Variants in DPP6 observed in about 807,000 individuals in gnomAD.
DPP6 encodes the protein A-type potassium channel modulatory protein DPP6.
DPP6 carries 69 observed loss-of-function variants against 122.6 expected under a neutral mutation model. The observed-to-expected ratio is 0.56, with a 90% confidence interval of 0.46 to 0.69. DPP6 has a LOEUF of 0.69. Among genes scored for constraint, DPP6 ranks in the 30% least tolerant of loss-of-function variants. The pLI, the probability that DPP6 is intolerant of heterozygous loss-of-function variation, is 0.00. For missense variants in DPP6, 928 were observed against 1,116.9 expected (o/e 0.83, Z 2.41); for synonymous variants, 418 against 433.1 (o/e 0.97, Z 0.43).
chr7:154,629,480 T>A (rs899457539), intron 5 of DPP6, among the ~76,000 whole-genome samples: 3 of 152,204 alleles, frequency 2.0e-5, no homozygotes. Context: ...GTGTTAACTT[T>A]TCCAGTATTT....
chr7:154,402,132 A>C (rs1250518916), intron 1 of DPP6, among the ~76,000 whole-genome samples: 1 of 150,182 alleles, frequency 6.7e-6, no homozygotes, highest in African/African-American at 2.4e-5. Context: ...AAATAGGAAC[A>C]CTTTTACACT....
chr7:154,214,702 A>C (rs1183788883), intron 1 of DPP6, among the ~76,000 whole-genome samples: 1 of 152,190 alleles, frequency 6.6e-6, no homozygotes, highest in East Asian at 1.9e-4. Context: ...GGATTGCTTG[A>C]GCCTAAGAGT....
At chr7:154,815,297 C>T (rs1170347481) in intron 16 of DPP6, among the ~76,000 whole-genome samples, 1 of 152,178 alleles carries the variant, frequency 6.6e-6, no homozygotes, top group East Asian at 1.9e-4. Context: ...TAGATTCTCT[C>T]TAGGAATACT....
At chr7:154,491,996 G>C (rs930628437) in intron 3 of DPP6, among the ~76,000 whole-genome samples, 11 of 152,158 alleles carry the variant, frequency 7.2e-5, no homozygotes, top group African/African-American at 2.7e-4. Context: ...CATGGTTCTA[G>C]CTGCATCCAA....
the DPP6 span, among the ~76,000 whole-genome samples, chr7:153,862,240 A>G: frequency 6.6e-6 from 1 of 152,228 alleles, no homozygotes; most frequent in African/African-American, 2.4e-5. Flanking sequence ...AAAATACAAG[A>G]AAAGATAGCG....
Position 154,019,416 on chromosome 7 carries a change from TTATC to T in DPP6, c.51+131690_51+131693del, listed in dbSNP as rs371043808. ...TTTCTCCCTTCCTTCCCTTTTTTCT[TTATC>T]TATCTATTTCTTCCTCTCTCTCTTC... is the stretch of plus-strand genomic sequence containing the variant. On this transcript the variant is annotated intron_variant, in intron 1 of 25. Transcript: ENST00000404039. Among the ~76,000 whole-genome samples, 417 of 152,128 alleles carry T rather than the reference TTATC, an allele frequency of 2.7e-3. 3 individuals carry two copies. The highest frequency in any genetic ancestry group is 0.019 in the East Asian group (99 of 5,166).
At chr7:154,862,042 T>C (rs1039772750) in intron 17 of DPP6, among the ~76,000 whole-genome samples, 2 of 152,174 alleles carry the variant, frequency 1.3e-5, no homozygotes, top group African/African-American at 4.8e-5. Flanking sequence ...TTCCATTTTG[T>C]TAAAATCAAA....
chr7:153,940,357 C>A (rs370746402), intron 1 of DPP6, among the ~76,000 whole-genome samples: 2 of 152,108 alleles, frequency 1.3e-5, no homozygotes, highest in African/African-American at 4.8e-5. Flanking sequence ...CACGCCGCAA[C>A]TTAAGTGTTG....
intron 7 of DPP6, among the ~76,000 whole-genome samples, chr7:154,700,692 A>G (rs1050515574): frequency 1.3e-5 from 2 of 152,150 alleles, no homozygotes; most frequent in African/African-American, 4.8e-5. Flanking sequence ...ATGTGCATCT[A>G]CTTCCCCAGG....
chr7:153,860,411 T>C, the DPP6 span, among the ~76,000 whole-genome samples: 1 of 152,100 alleles, frequency 6.6e-6, no homozygotes, highest in Non-Finnish European at 1.5e-5. Context: ...TGGAAGGAGT[T>C]GCAGGATGGA....
At chr7:154,060,330 G>GT (rs1801570936) in intron 1 of DPP6, among the ~76,000 whole-genome samples, 1 of 85,596 alleles carries the variant, frequency 1.2e-5, no homozygotes, top group Non-Finnish European at 2.5e-5. Context: ...CATCGCAGGA[G>GT]GGGGAGGCAC....
At chr7:153,939,721 A>C (rs1455569986) in intron 1 of DPP6, among the ~76,000 whole-genome samples, 1 of 152,236 alleles carries the variant, frequency 6.6e-6, no homozygotes, top group Non-Finnish European at 1.5e-5. Context: ...ATGCTCTCAT[A>C]TGAAAGACAG....
intron 20 of DPP6, among the ~76,000 whole-genome samples, chr7:154,878,379 C>T (rs1221349391): frequency 7.9e-5 from 12 of 152,298 alleles, no homozygotes; most frequent in African/African-American, 1.2e-4. Context: ...CCTAAACCAC[C>T]GAAGCTCAAA....
At chr7:154,575,718 TTG>T (rs1487744379) in intron 5 of DPP6, among the ~76,000 whole-genome samples, 4 of 140,234 alleles carry the variant, frequency 2.9e-5, no homozygotes, top group African/African-American at 1.1e-4. Context: ...ATGTGGTGTG[TTG>T]TGTGTATGTG....
intron 1 of DPP6, among the ~76,000 whole-genome samples, chr7:153,924,832 G>T (rs181407637): frequency 6.6e-6 from 1 of 152,180 alleles, no homozygotes; most frequent in African/African-American, 2.4e-5. Context: ...CAAGTGCTCC[G>T]TTGGTTCAGG....
chr7:153,855,551 T>C, the DPP6 span, among the ~76,000 whole-genome samples: 1 of 152,210 alleles, frequency 6.6e-6, no homozygotes, highest in African/African-American at 2.4e-5. Flanking sequence ...AATTCTCTAT[T>C]CTTTTTCACA....
intron 1 of DPP6, among the ~76,000 whole-genome samples, chr7:153,947,282 C>T (rs1370097909): frequency 6.6e-6 from 1 of 152,108 alleles, no homozygotes; most frequent in Non-Finnish European, 1.5e-5. Flanking sequence ...TACTGGCTCA[C>T]AGTCTTGGGA....
At chr7:153,784,542 G>C in the DPP6 span, among the ~76,000 whole-genome samples, 1 of 152,192 alleles carries the variant, frequency 6.6e-6, no homozygotes, top group Non-Finnish European at 1.5e-5. Context: ...GGATGACATA[G>C]TGTGATCAAA....
intron 1 of DPP6, among the ~76,000 whole-genome samples, chr7:154,146,651 A>T (rs188732554): frequency 6.6e-6 from 1 of 152,394 alleles, no homozygotes; most frequent in African/African-American, 2.4e-5. Context: ...ACGTTTAAGA[A>T]TGTTATGCCA....
Sources: gnomAD v4.1 joint callset for allele counts (sites outside exome capture counted in the v4.1 genomes callset) on GRCh38, gnomAD v4.1.1 for gene constraint, MANE v1.5 for transcripts, NCBI Gene and HGNC (gene_info 2026-07-23, HGNC 2026-07-21) for gene names.